PLXDC1: variants seen among roughly 807,000 people sequenced by gnomAD.
The protein encoded by PLXDC1 is plexin domain-containing protein 1.
PLXDC1 carries 39 observed loss-of-function variants against 61.3 expected under a neutral mutation model. The observed-to-expected ratio is 0.64, with a 90% CI of 0.49 to 0.83. The LOEUF (loss-of-function observed/expected upper bound fraction) is 0.83, where lower values mean the gene tolerates loss of function less well. PLXDC1 is among the 40% of genes least tolerant of loss of function. The probability of loss-of-function intolerance (pLI) is 0.00; values close to 1 mark genes in which losing one functional copy is unlikely to be tolerated. For missense variants in PLXDC1, 596 were observed against 666.5 expected (o/e 0.89, Z 1.17); for synonymous variants, 212 against 254.5 (o/e 0.83, Z 1.59).
intron 2 of PLXDC1, 32 bp from the exon 3 acceptor site, chr17:39,109,423 G>A (rs1472500161): frequency 3.2e-6 from 5 of 1,559,360 alleles, no homozygotes; most frequent in South Asian, 1.2e-5. Context: ...CCCACAGGAG[G>A]TGTGAGTAGT....
At chr17:39,106,635 CT>C (rs1317479351) in intron 6 of PLXDC1, among the ~76,000 whole-genome samples, 55 of 145,498 alleles carry the variant, frequency 3.8e-4, no homozygotes, top group African/African-American at 1.2e-3. Context: ...CTTCTTTTTT[CT>C]TTTTTCTTTT....
At chr17:39,143,355 C>G (rs938653016) in intron 1 of PLXDC1, among the ~76,000 whole-genome samples, 4 of 152,192 alleles carry the variant, frequency 2.6e-5, no homozygotes, top group Admixed American at 6.5e-5. Context: ...CAACCTCTGC[C>G]TTCCCCCAGC....
chr17:39,097,030 C>T (rs1567759770), intron 7 of PLXDC1: 1 of 471,068 alleles, frequency 2.1e-6, no homozygotes, highest in Non-Finnish European at 4.4e-6. Context: ...TTTTCAGCCT[C>T]TTCTACCCTC....
chr17:39,125,387 GC>G (rs1156559500), intron 2 of PLXDC1, among the ~76,000 whole-genome samples: 1 of 152,156 alleles, frequency 6.6e-6, no homozygotes, highest in Non-Finnish European at 1.5e-5. Context: ...TTTGGATTAG[GC>G]TTGTACAGAG....
Position 39,074,599 on chromosome 17 carries a change from G to A in PLXDC1, c.1187-2114C>T, listed in dbSNP as rs187201317. Among the ~76,000 whole-genome samples the A allele has an allele frequency of 2.9e-3, 439 of 152,290 alleles. 6 individuals carry two copies. Among genetic ancestry groups the A allele is most frequent in the Middle Eastern group, 3.4e-3 (1 of 294 alleles). ...CATGGTGGGCTGTAGGACAGCCCAG[G>A]GGGCTCAGTAATAACAAGTCAGGAT... On this transcript the variant is annotated intron_variant, in intron 11 of 13. Coordinates refer to ENST00000315392, the MANE Select transcript of PLXDC1 (RefSeq NM_020405.5).
At position 39,063,351 on chromosome 17, in the gene PLXDC1, TA is replaced by T; in HGVS notation, c.*4488del. 1 of 645,078 alleles carries T rather than the reference TA, an allele frequency of 1.6e-6. No homozygotes were observed. Among genetic ancestry groups the T allele is most frequent in the South Asian group, 1.7e-5 (1 of 57,188 alleles). 40.0% of individuals were successfully genotyped at this position (645,078 alleles called of 1,614,324 possible). A position where few individuals can be genotyped will look rare whatever the true frequency, so the allele number is the denominator to read the frequency against. ...TTATTGTATGTCCTCAGACAGTAGATAAAAATGCATGGGGTTTACTTCCAGG... is the reference window on the plus strand; with the variant it reads ...TTATTGTATGTCCTCAGACAGTAGATAAAATGCATGGGGTTTACTTCCAGG... On this transcript the variant is annotated 3_prime_UTR_variant, in exon 14 of 14. Transcript: ENST00000315392.
At chr17:39,072,790 G>A (rs1909177574) in intron 11 of PLXDC1, among the ~76,000 whole-genome samples, 1 of 152,194 alleles carries the variant, frequency 6.6e-6, no homozygotes, top group African/African-American at 2.4e-5. Context: ...AGGGTTTGAA[G>A]AGGGGCTTTA....
intron 7 of PLXDC1, among the ~76,000 whole-genome samples, chr17:39,089,092 A>G (rs1315762570): frequency 1.3e-5 from 2 of 152,210 alleles, no homozygotes; most frequent in East Asian, 1.9e-4. Flanking sequence ...TTTGAGAATG[A>G]GTTACCCCAC....
In PLXDC1 at chr17:39,128,103, A is replaced by ATATGTATATATATATG. The variant is rs1388209830; in HGVS notation, c.255+11550_255+11551insCATATATATATACATA. Among the ~76,000 whole-genome samples, 9 of 84,902 alleles carry ATATGTATATATATATG rather than the reference A, an allele frequency of 1.1e-4. 1 individual carries two copies. Among genetic ancestry groups the ATATGTATATATATATG allele is most frequent in the African/African-American group, 4.5e-4 (9 of 19,912 alleles). 55.7% of individuals were successfully genotyped at this position (84,902 alleles called of 152,430 possible). Reference sequence around the variant, plus strand: ...TCTCTCTCTCTCTCTATGTGTATATATATATATATATGTATATATATATGT... The same window carrying ATATGTATATATATATG: ...TCTCTCTCTCTCTCTATGTGTATATATATGTATATATATATGTATATATATATGTATATATATATGT... On this transcript the variant is annotated intron_variant, in intron 2 of 13. Transcript: ENST00000315392.
intron 1 of PLXDC1, among the ~76,000 whole-genome samples, chr17:39,147,313 C>T (rs2143991070): frequency 6.6e-6 from 1 of 152,288 alleles, no homozygotes; most frequent in African/African-American, 2.4e-5. Context: ...ACTCTTCAAC[C>T]AATTAACAAT....
At chr17:39,129,711 G>GGAAA (rs905924810) in intron 2 of PLXDC1, among the ~76,000 whole-genome samples, 7 of 108,256 alleles carry the variant, frequency 6.5e-5, no homozygotes, top group African/African-American at 1.8e-4. Context: ...AAAGAAAGAA[G>GGAAA]GAAAGAAAGA....
rs547885133 is a variant in PLXDC1, at chr17:39,139,049, C to T, written c.255+605G>A. Among the ~76,000 whole-genome samples the T allele has an allele frequency of 2.6e-5, 4 of 152,286 alleles. No homozygotes were observed. In the South Asian group the frequency reaches 8.3e-4, roughly 32 times the overall value. On this transcript the variant is annotated intron_variant, in intron 2 of 13. Transcript: ENST00000315392. ...GCACAATTATATTAATAGATTCACC[C>T]CCAGACACACCGAGGCTTCCAAGAG...
intron 11 of PLXDC1, among the ~76,000 whole-genome samples, chr17:39,076,994 A>C (rs1157412491): frequency 6.6e-6 from 1 of 151,998 alleles, no homozygotes; most frequent in Non-Finnish European, 1.5e-5. Context: ...CGGCCTTCCA[A>C]AATGCTGGAA....
At chr17:39,136,877 A>T (rs923722405) in intron 2 of PLXDC1, among the ~76,000 whole-genome samples, 3 of 152,220 alleles carry the variant, frequency 2.0e-5, no homozygotes, top group Admixed American at 6.5e-5. Flanking sequence ...CAAATAAACA[A>T]CAAAAAATGC....
At chr17:39,106,902 T>A (rs915385327) in intron 6 of PLXDC1, among the ~76,000 whole-genome samples, 1 of 152,004 alleles carries the variant, frequency 6.6e-6, no homozygotes, top group Non-Finnish European at 1.5e-5. Context: ...TCCACCCACC[T>A]CAGCCTCCCA....
chr17:39,098,284 G>A (rs374410592), intron 7 of PLXDC1, among the ~76,000 whole-genome samples: 11 of 149,812 alleles, frequency 7.3e-5, no homozygotes, highest in East Asian at 2.0e-4. Context: ...GCTTGTTCCC[G>A]TAAGCTAAAA....
intron 6 of PLXDC1, among the ~76,000 whole-genome samples, chr17:39,106,702 T>G (rs1002687113): frequency 6.9e-6 from 1 of 145,650 alleles, no homozygotes; most frequent in African/African-American, 2.6e-5. Context: ...CAGGCTGGAG[T>G]GCAGTGGCAC....
chr17:39,150,372 C>T lies in PLXDC1; in HGVS notation c.76+990G>A, dbSNP rs1322617618. On this transcript the variant is annotated intron_variant, in intron 1 of 13. Coordinates refer to ENST00000315392, the MANE Select transcript of PLXDC1 (RefSeq NM_020405.5). ...CTGGTGCCAGCACACTCCTGAGACA[C>T]AGCAGGTCAACCACAGCACTCACCT... 2.0e-5 allele frequency among the ~76,000 whole-genome samples: 3 copies of T among 152,186 alleles called. No individual in the cohort carries two copies. In the South Asian group the frequency reaches 6.2e-4, roughly 32 times the overall value.
At chr17:39,141,106 T>A (rs1449401542) in intron 1 of PLXDC1, among the ~76,000 whole-genome samples, 1 of 152,232 alleles carries the variant, frequency 6.6e-6, no homozygotes, top group Non-Finnish European at 1.5e-5. Context: ...CATAGCTCAC[T>A]GCAGCCTCCA....
Sources: gnomAD v4.1 joint callset for allele counts (sites outside exome capture counted in the v4.1 genomes callset) on GRCh38, gnomAD v4.1.1 for gene constraint, MANE v1.5 for transcripts, NCBI Gene and HGNC (gene_info 2026-07-23, HGNC 2026-07-21) for gene names.